The following MACF1 variants were observed in gnomAD, a reference collection of about 807,000 sequenced individuals.
MACF1 encodes microtubule actin crosslinking factor 1, also known as microtubule-actin cross-linking factor 1.
A neutral mutation model predicts 854.8 loss-of-function variants in MACF1; 193 were observed. That is an observed-to-expected ratio of 0.23 (90% CI 0.20 to 0.25). MACF1 has a LOEUF of 0.25. Among genes scored for constraint, MACF1 ranks in the 10% least tolerant of loss-of-function variants. The pLI, the probability that MACF1 is intolerant of heterozygous loss-of-function variation, is 1.00. For synonymous variants in MACF1, 3,185 were observed against 3,226.7 expected, an observed-to-expected ratio of 0.99 and a Z score of 0.44; for missense variants, 7,722 against 8,929.1, an observed-to-expected ratio of 0.86 and a Z score of 5.45.
At chr1:39,249,940 C>T (rs1222265440) in intron 2 of MACF1, 74 bp from the exon 3 acceptor site, 4 of 739,040 alleles carry the variant, frequency 5.4e-6, no homozygotes, top group Admixed American at 4.7e-5. Context: ...TTACCTAGAA[C>T]CAGAGATTTT....
At position 39,284,321 on chromosome 1, in the gene MACF1, T is replaced by C. The variant is rs1645605764; in HGVS notation, c.1036-12T>C. 1.3e-6 allele frequency: 2 copies of C among 1,573,216 alleles called. No homozygotes were observed. Among genetic ancestry groups the C allele is most frequent in the East Asian group, 2.2e-5 (1 of 44,710 alleles). On this transcript the variant is annotated splice_polypyrimidine_tract_variant and intron_variant, in intron 10 of 100. Transcript: ENST00000564288. ...TTTGTGTCCATTTATTCACCAAATA[T>C]TAATTTTATAGGCACTTTATAACCA...
chr1:39,195,018 A>G (rs554928387), intron 2 of MACF1, among the ~76,000 whole-genome samples: 1 of 152,322 alleles, frequency 6.6e-6, no homozygotes, highest in South Asian at 2.1e-4. Context: ...CTGAATTAAT[A>G]AACTATCTTC....
At chr1:39,261,961 T>C (rs1645168378) in intron 6 of MACF1, among the ~76,000 whole-genome samples, 1 of 152,204 alleles carries the variant, frequency 6.6e-6, no homozygotes, top group African/African-American at 2.4e-5. Context: ...CTCACCAGTA[T>C]TTATTGTCTG....
Position 39,333,674 on chromosome 1 carries a change from T to C in MACF1, c.7086T>C (p.Asn2362=). Reference sequence around the variant, plus strand: ...TGATGGATGAGAAATTATTACATAATGTCCTCATGGCAGACAAAGCTATAA... The same window carrying C: ...TGATGGATGAGAAATTATTACATAACGTCCTCATGGCAGACAAAGCTATAA... ...EGLMDEKLLH[N]VLMADKAISG... is the part of the protein sequence containing the mutation. Residue 2362 remains asparagine, a synonymous_variant, in exon 37 of 101, where the codon AAT becomes AAC. Coordinates refer to ENST00000564288, the MANE Select transcript of MACF1 (RefSeq NM_001394062.1). The C allele has an allele frequency of 1.2e-6, 2 of 1,614,210 alleles. No individual in the cohort carries two copies. Among genetic ancestry groups the C allele is most frequent in the South Asian group, 1.1e-5 (1 of 91,088 alleles).
At chr1:39,291,882 T>C (rs780587979) in intron 15 of MACF1, 28 bp from the exon 16 acceptor site, 18 of 1,603,240 alleles carry the variant, frequency 1.1e-5, no homozygotes, top group Admixed American at 1.7e-5. Context: ...CAGTAAATTA[T>C]GTCATATATA....
At chr1:39,340,478 G>C in intron 38 of MACF1, 24 bp from the exon 39 acceptor site, 1 of 1,564,022 alleles carries the variant, frequency 6.4e-7, no homozygotes. Context: ...TGCTTTTATA[G>C]GTAACTCCAC....
At chr1:39,150,134 C>G (rs945386965) in intron 2 of MACF1, among the ~76,000 whole-genome samples, 2 of 152,116 alleles carry the variant, frequency 1.3e-5, no homozygotes, top group African/African-American at 4.8e-5. Context: ...CCTCCCACCC[C>G]AGCTTCCCAA....
chr1:39,115,392 A>T (rs900249546), intron 2 of MACF1, among the ~76,000 whole-genome samples: 2 of 152,028 alleles, frequency 1.3e-5, no homozygotes, highest in Non-Finnish European at 2.9e-5. Flanking sequence ...TATGAGGGGG[A>T]GAGGGAAGAA....
At chr1:39,100,622 G>C (rs1303962679) in intron 2 of MACF1, among the ~76,000 whole-genome samples, 1 of 152,184 alleles carries the variant, frequency 6.6e-6, no homozygotes, top group African/African-American at 2.4e-5. Context: ...GGGAGGCTGA[G>C]GTGGGCAGAT....
At chr1:39,161,430 G>A (rs1272565559) in intron 2 of MACF1, among the ~76,000 whole-genome samples, 1 of 152,178 alleles carries the variant, frequency 6.6e-6, no homozygotes, top group Non-Finnish European at 1.5e-5. Flanking sequence ...ATGGCCAGGT[G>A]CAGTGTCTCA....
intron 2 of MACF1, among the ~76,000 whole-genome samples, chr1:39,146,144 T>G (rs1643458550): frequency 6.6e-6 from 1 of 152,074 alleles, no homozygotes; most frequent in Non-Finnish European, 1.5e-5. Flanking sequence ...AACAGATGAA[T>G]AGATAAAGAA....
At chr1:39,405,104 T>C (rs1182465911) in intron 58 of MACF1, among the ~76,000 whole-genome samples, 3 of 152,210 alleles carry the variant, frequency 2.0e-5, no homozygotes, top group Non-Finnish European at 4.4e-5. Flanking sequence ...GAAAGTTTTC[T>C]CATGGGTTCA....
At chr1:39,429,042 A>G (rs1363270191) in intron 63 of MACF1, among the ~76,000 whole-genome samples, 200 bp from the exon 64 acceptor site, 2 of 152,210 alleles carry the variant, frequency 1.3e-5, no homozygotes, top group African/African-American at 4.8e-5. Flanking sequence ...CGCATAGGAA[A>G]GCTTGCCTAT....
chr1:39,133,305 C>A (rs754997537), intron 2 of MACF1, among the ~76,000 whole-genome samples: 1 of 152,184 alleles, frequency 6.6e-6, no homozygotes, highest in African/African-American at 2.4e-5. Flanking sequence ...AAGAGCTACC[C>A]GTCCAGTCTG....
intron 2 of MACF1, among the ~76,000 whole-genome samples, chr1:39,245,029 T>A (rs971040097): frequency 1.3e-5 from 2 of 152,160 alleles, no homozygotes; most frequent in African/African-American, 2.4e-5. Context: ...TTTATTTTTA[T>A]AGTTATTTGG....
chr1:39,433,158 G>T lies in MACF1; in HGVS notation c.17565+3G>T. 1 of 1,535,776 alleles carries T rather than the reference G, an allele frequency of 6.5e-7. No individual in the cohort carries two copies. The highest frequency in any genetic ancestry group is 9.0e-7 in the Non-Finnish European group (1 of 1,115,186). ...AGGAGCAAAAAACTGTATTACAGGT[G>T]AATTACATTTATTTATTTGCCATAT... On this transcript the variant is annotated splice_donor_region_variant and intron_variant, in intron 68 of 100. Transcript: ENST00000564288.
chr1:39,356,425 T>C (rs1463873035), intron 44 of MACF1, among the ~76,000 whole-genome samples: 1 of 151,044 alleles, frequency 6.6e-6, no homozygotes, highest in East Asian at 1.9e-4. Context: ...CAGGCTGGAG[T>C]GCAGTGGCAG....
intron 2 of MACF1, 192 bp from the exon 3 acceptor site, chr1:39,249,822 C>T (rs1157550997): frequency 1.3e-5 from 6 of 463,314 alleles, no homozygotes; most frequent in Non-Finnish European, 1.9e-5. Flanking sequence ...AAAACACACA[C>T]GTTTCTGGTA....
intron 2 of MACF1, among the ~76,000 whole-genome samples, chr1:39,085,126 G>C (rs1359272965): frequency 6.6e-6 from 1 of 152,196 alleles, no homozygotes; most frequent in Non-Finnish European, 1.5e-5. Flanking sequence ...TAGGGTGCTG[G>C]ATCGTGGCCC....
Sources: gnomAD v4.1 joint callset for allele counts (sites outside exome capture counted in the v4.1 genomes callset) on GRCh38, gnomAD v4.1.1 for gene constraint, MANE v1.5 for transcripts, NCBI Gene and HGNC (gene_info 2026-07-23, HGNC 2026-07-21) for gene names.